The following SGPP2 variants were observed in gnomAD, a reference collection of about 807,000 sequenced individuals.
The protein encoded by SGPP2 is sphingosine-1-phosphate phosphatase 2.
Under a neutral mutation model 33.9 loss-of-function variants are expected in SGPP2, and 30 were observed. The ratio of observed to expected loss-of-function variants is 0.89; its 90% CI spans 0.66 to 1.20. The LOEUF (loss-of-function observed/expected upper bound fraction) is 1.20. Among genes scored for constraint, SGPP2 ranks in the 50% most tolerant of loss-of-function variants. The pLI is 0.00. For synonymous variants in SGPP2, 233 were observed against 225.0 expected (o/e 1.04, Z -0.32); for missense variants, 458 against 532.1 (o/e 0.86, Z 1.37).
chr2:222,466,191 C>T (rs1225153577), intron 1 of SGPP2, among the ~76,000 whole-genome samples: 1 of 150,094 alleles, frequency 6.7e-6, no homozygotes, highest in Non-Finnish European at 1.5e-5. Flanking sequence ...CTGAAGCATA[C>T]ACAGTAAATG....
At chr2:222,433,325 A>G (rs1697186674) in intron 1 of SGPP2, among the ~76,000 whole-genome samples, 1 of 152,126 alleles carries the variant, frequency 6.6e-6, no homozygotes. Flanking sequence ...AACCCCTCTC[A>G]GTGGAGGGAG....
intron 4 of SGPP2, among the ~76,000 whole-genome samples, chr2:222,552,547 A>T (rs1045551100): frequency 1.3e-5 from 2 of 152,132 alleles, no homozygotes; most frequent in African/African-American, 4.8e-5. Flanking sequence ...GGTACACCAA[A>T]ATCTCACAAA....
chr2:222,459,284 C>A (rs2106082842), intron 1 of SGPP2, among the ~76,000 whole-genome samples: 1 of 151,694 alleles, frequency 6.6e-6, no homozygotes, highest in African/African-American at 2.4e-5. Context: ...GTAGCTAAGA[C>A]TACAGGCACA....
At position 222,560,479 on chromosome 2, in the gene SGPP2, C is replaced by T. The variant is rs1689516981; in HGVS notation, c.*1581C>T. On this transcript the variant is annotated 3_prime_UTR_variant, in exon 5 of 5. Transcript: ENST00000321276. ...AGCCTACTAGGGTGAGTCCTCTTAA[C>T]ATGGGAAGGCGATGATTATGCAAAC... 1 of 152,202 alleles carries T rather than the reference C, an allele frequency of 6.6e-6. No homozygotes were observed. Among genetic ancestry groups the T allele is most frequent in the Non-Finnish European group, 1.5e-5 (1 of 68,030 alleles). 9.4% of individuals were successfully genotyped at this position (152,202 alleles called of 1,614,324 possible).
chr2:222,433,416 G>T (rs1470819999), intron 1 of SGPP2, among the ~76,000 whole-genome samples: 1 of 152,186 alleles, frequency 6.6e-6, no homozygotes. Context: ...CAAGTAGGTC[G>T]TTATTTCTCT....
chr2:222,501,234 G>A (rs557652792), intron 2 of SGPP2, among the ~76,000 whole-genome samples: 3 of 152,284 alleles, frequency 2.0e-5, no homozygotes, highest in African/African-American at 7.2e-5. Flanking sequence ...TGGGACAGGA[G>A]CTCAGTGACT....
At chr2:222,481,684 C>T (rs1189456339) in intron 2 of SGPP2, among the ~76,000 whole-genome samples, 3 of 152,148 alleles carry the variant, frequency 2.0e-5, no homozygotes, top group South Asian at 4.1e-4. Context: ...TGTGGGACTC[C>T]TGTCCTCGGG....
intron 1 of SGPP2, among the ~76,000 whole-genome samples, chr2:222,448,358 G>A (rs1335266252): frequency 1.3e-5 from 2 of 152,214 alleles, no homozygotes; most frequent in African/African-American, 4.8e-5. Flanking sequence ...AGCCATGTGG[G>A]ACATACCAGC....
At chr2:222,474,066 CA>C (rs1403535632) in intron 1 of SGPP2, among the ~76,000 whole-genome samples, 17 of 152,240 alleles carry the variant, frequency 1.1e-4, no homozygotes, top group Admixed American at 3.3e-4. Flanking sequence ...AAAAATATTA[CA>C]TGTGCCTCAT....
chr2:222,537,036 G>A (rs1182115167), intron 4 of SGPP2, among the ~76,000 whole-genome samples: 1 of 152,210 alleles, frequency 6.6e-6, no homozygotes, highest in Non-Finnish European at 1.5e-5. Context: ...AGAATCCGAA[G>A]TATTTAATGA....
intron 2 of SGPP2, among the ~76,000 whole-genome samples, chr2:222,500,977 CAAT>C: frequency 6.6e-6 from 1 of 152,312 alleles, no homozygotes; most frequent in South Asian, 2.1e-4. Flanking sequence ...GGTTTGGAGA[CAAT>C]CATCTGCTGT....
chr2:222,452,975 G>T (rs1242040498), intron 1 of SGPP2: 3 of 1,584,366 alleles, frequency 1.9e-6, no homozygotes, highest in Middle Eastern at 1.7e-4. Context: ...ATCTATCATT[G>T]AGTACACACA....
At position 222,465,554 on chromosome 2, in the gene SGPP2, C is replaced by A. The variant is rs1198997853; in HGVS notation, c.220-9014C>A. On this transcript the variant is annotated intron_variant, in intron 1 of 4. Transcript: ENST00000321276. The surrounding 1 kb of genome is among the most constrained non-coding windows in gnomAD (Gnocchi z 4.1). ...ACCCCAGTGGCTTTTCAGTTCAGAA[C>A]TGGGAATTAATGATATTTTCTCACC... Among the ~76,000 whole-genome samples the A allele has an allele frequency of 1.3e-5, 2 of 152,168 alleles. No homozygotes were observed. The highest frequency in any genetic ancestry group is 2.9e-5 in the Non-Finnish European group (2 of 68,026).
At chr2:222,438,387 A>T (rs572926335) in intron 1 of SGPP2, among the ~76,000 whole-genome samples, 2,046 of 152,344 alleles carry the variant, frequency 0.013, 20 homozygotes, top group Middle Eastern at 0.034. Context: ...GTAATGGACC[A>T]GTGTGATATC....
Position 222,535,711 on chromosome 2 carries a change from C to G in SGPP2, c.648+10678C>G, listed in dbSNP as rs532717532. 3.9e-5 allele frequency among the ~76,000 whole-genome samples: 6 copies of G among 152,352 alleles called. No homozygotes were observed. The South Asian group carries it at 1.2e-3, about 32-fold the overall frequency. On this transcript the variant is annotated intron_variant, in intron 4 of 4. Coordinates refer to ENST00000321276, the MANE Select transcript of SGPP2 (RefSeq NM_152386.4). The stretch of plus-strand genomic sequence containing the variant: ...CAGCCTGGCACCTCGGAGGCTGCTT[C>G]AGCATGGTGTGTGGTCAGACCTGGA...
At chr2:222,463,269 T>TTA (rs1697693466) in intron 1 of SGPP2, among the ~76,000 whole-genome samples, 1 of 152,208 alleles carries the variant, frequency 6.6e-6, no homozygotes, top group African/African-American at 2.4e-5. Flanking sequence ...AGGAAAATCC[T>TTA]TCCCAAGCAC....
chr2:222,531,124 A>G (rs1414591269), intron 4 of SGPP2, among the ~76,000 whole-genome samples: 1 of 152,228 alleles, frequency 6.6e-6, no homozygotes, highest in African/African-American at 2.4e-5. Context: ...CTAATTTCAT[A>G]TTGTTGTGTC....
intron 1 of SGPP2, among the ~76,000 whole-genome samples, chr2:222,431,442 GT>G (rs1394026019): frequency 1.3e-5 from 2 of 152,112 alleles, no homozygotes; most frequent in Non-Finnish European, 2.9e-5. Context: ...GGAGTTAGAG[GT>G]TGCAGTGAGC....
intron 2 of SGPP2, among the ~76,000 whole-genome samples, chr2:222,513,573 A>T (rs1259756724): frequency 6.6e-6 from 1 of 152,110 alleles, no homozygotes; most frequent in Non-Finnish European, 1.5e-5. Flanking sequence ...TTTGGGAAAA[A>T]TGGTCCTTGT....
Sources: allele counts gnomAD v4.1 joint callset (sites outside exome capture counted in the v4.1 genomes callset), GRCh38; gene constraint gnomAD v4.1.1; non-coding constraint Gnocchi (gnomAD v3.1); transcripts MANE v1.5; gene names NCBI Gene and HGNC (gene_info 2026-07-23, HGNC 2026-07-21).